The following TMTC3 variants were observed in gnomAD, a reference collection of about 807,000 sequenced individuals.
TMTC3 encodes the protein transmembrane O-mannosyltransferase targeting cadherins 3.
A neutral mutation model predicts 92.2 loss-of-function variants in TMTC3; 52 were observed. That is an observed-to-expected ratio of 0.56 (90% CI 0.45 to 0.71). TMTC3 has a LOEUF of 0.71. TMTC3 is among the 30% of genes least tolerant of loss of function. The probability of loss-of-function intolerance (pLI) is 0.00; values close to 1 mark genes in which losing one functional copy is unlikely to be tolerated. For synonymous variants in TMTC3, 339 were observed against 363.3 expected, an observed-to-expected ratio of 0.93 and a Z score of 0.76; for missense variants, 896 against 1,057.1, an observed-to-expected ratio of 0.85 and a Z score of 2.11.
intron 4 of TMTC3, among the ~76,000 whole-genome samples, chr12:88,159,052 CAAAAAAAAAAAAAG>C (rs1439702516): frequency 5.2e-5 from 3 of 57,680 alleles, no homozygotes; most frequent in South Asian, 5.3e-4. Context: ...AACTCTGTCT[CAAAAAAAAAAAAAG>C]GAAAAAAAAA....
chr12:88,172,785 A>T lies in TMTC3; in HGVS notation c.1199+40A>T, dbSNP rs968813417. The T allele has an allele frequency of 3.2e-6, 5 of 1,567,776 alleles. No homozygotes were observed. In the African/African-American group the frequency reaches 6.9e-5, roughly 22 times the overall value. ...CAGTTCATGTAATGCTTACTATGGA[A>T]TTAAGTGTGACACATTTTAAAATTT... On this transcript the variant is annotated intron_variant, in intron 8 of 13. Coordinates refer to ENST00000266712, the MANE Select transcript of TMTC3 (RefSeq NM_181783.4).
chr12:88,183,438 A>C (rs2041341036), intron 10 of TMTC3, among the ~76,000 whole-genome samples: 1 of 152,144 alleles, frequency 6.6e-6, no homozygotes, highest in Admixed American at 6.5e-5. Context: ...GCTACCTAAG[A>C]CAGGGTCCCA....
intron 10 of TMTC3, among the ~76,000 whole-genome samples, chr12:88,187,376 T>A (rs761724970): frequency 5.3e-5 from 8 of 152,176 alleles, no homozygotes; most frequent in Non-Finnish European, 1.2e-4. Context: ...CCTTTGACAC[T>A]TTTTATGAAC....
chr12:88,183,996 A>G (rs890556914), intron 10 of TMTC3, among the ~76,000 whole-genome samples: 2 of 152,106 alleles, frequency 1.3e-5, no homozygotes, highest in African/African-American at 2.4e-5. Flanking sequence ...TGAGGGTTCC[A>G]TCGCAATCCA....
intron 2 of TMTC3, among the ~76,000 whole-genome samples, chr12:88,150,171 C>G (rs1053478925): frequency 1.3e-5 from 2 of 152,126 alleles, no homozygotes; most frequent in Non-Finnish European, 1.5e-5. Context: ...GGGGAGGCCT[C>G]AAGAAGCTTG....
intron 10 of TMTC3, among the ~76,000 whole-genome samples, chr12:88,177,276 A>G (rs1303889302): frequency 6.6e-6 from 1 of 151,160 alleles, no homozygotes; most frequent in Non-Finnish European, 1.5e-5. Flanking sequence ...CAGTGAGCCA[A>G]GATCGCACCA....
chr12:88,186,427 G>A (rs924602789), intron 10 of TMTC3, among the ~76,000 whole-genome samples: 3 of 152,114 alleles, frequency 2.0e-5, no homozygotes, highest in Non-Finnish European at 2.9e-5. Context: ...GATAAGAAAT[G>A]AAAGAGACTC....
chr12:88,171,609 A>G (rs1235599469), intron 7 of TMTC3, among the ~76,000 whole-genome samples: 1 of 152,072 alleles, frequency 6.6e-6, no homozygotes, highest in African/African-American at 2.4e-5. Flanking sequence ...CTGTTGATGG[A>G]TACTTAGGTT....
chr12:88,180,252 A>T (rs1378477923), intron 10 of TMTC3, among the ~76,000 whole-genome samples: 1 of 152,188 alleles, frequency 6.6e-6, no homozygotes, highest in Non-Finnish European at 1.5e-5. Context: ...TTTCCAATTA[A>T]GGAGTGACAT....
chr12:88,192,225 A>G (rs1424513721), intron 12 of TMTC3, among the ~76,000 whole-genome samples: 1 of 151,998 alleles, frequency 6.6e-6, no homozygotes, highest in East Asian at 1.9e-4. Context: ...GTCACCTGAC[A>G]AATTCATTAA....
intron 6 of TMTC3, among the ~76,000 whole-genome samples, chr12:88,163,053 C>T (rs1056482545): frequency 6.6e-6 from 1 of 151,946 alleles, no homozygotes; most frequent in Non-Finnish European, 1.5e-5. Flanking sequence ...GTAGCTGAGA[C>T]TACAGGCATG....
chr12:88,167,079 TTA>T (rs956769491), intron 7 of TMTC3, among the ~76,000 whole-genome samples: 6 of 151,470 alleles, frequency 4.0e-5, no homozygotes, highest in East Asian at 1.9e-4. Flanking sequence ...CTCATAAGAG[TTA>T]TGTTTTCTCT....
chr12:88,155,224 G>A (rs1198641048), intron 4 of TMTC3, among the ~76,000 whole-genome samples: 2 of 152,150 alleles, frequency 1.3e-5, no homozygotes, highest in Non-Finnish European at 2.9e-5. Context: ...TAGCTCCACT[G>A]TTTATTTACT....
At chr12:88,150,654 TCC>T (rs2040931857) in intron 2 of TMTC3, among the ~76,000 whole-genome samples, 1 of 152,158 alleles carries the variant, frequency 6.6e-6, no homozygotes, top group African/African-American at 2.4e-5. Context: ...GCATATTCTC[TCC>T]CTGAAGGCAA....
chr12:88,173,801 TC>T (rs1424812292), intron 8 of TMTC3, among the ~76,000 whole-genome samples: 5 of 152,112 alleles, frequency 3.3e-5, no homozygotes, highest in African/African-American at 1.2e-4. Flanking sequence ...TCTTGACACT[TC>T]TTAAGTCTGC....
intron 7 of TMTC3, among the ~76,000 whole-genome samples, chr12:88,169,937 GAAAA>G (rs11305978): frequency 7.0e-6 from 1 of 142,476 alleles, no homozygotes. Context: ...GACCCTGTCA[GAAAA>G]AAAAAAAAAG....
intron 3 of TMTC3, among the ~76,000 whole-genome samples, chr12:88,153,814 A>G (rs950220101): frequency 6.6e-6 from 1 of 152,056 alleles, no homozygotes; most frequent in Non-Finnish European, 1.5e-5. Flanking sequence ...TTAATGAACA[A>G]GATTTCTAAG....
intron 6 of TMTC3, 60 bp downstream of exon 6, chr12:88,160,911 T>C (rs1388951579): frequency 2.1e-6 from 3 of 1,458,532 alleles, no homozygotes; most frequent in Non-Finnish European, 2.8e-6. Context: ...ATTTTAATGA[T>C]CATAAATGTT....
intron 9 of TMTC3, 56 bp downstream of exon 9, chr12:88,174,783 A>G (rs919401198): frequency 1.9e-5 from 31 of 1,600,582 alleles, no homozygotes; most frequent in Admixed American, 8.7e-5. Context: ...TCTTGGAACA[A>G]TTTCTAAGCT....
Sources: allele counts gnomAD v4.1 joint callset (sites outside exome capture counted in the v4.1 genomes callset), GRCh38; gene constraint gnomAD v4.1.1; transcripts MANE v1.5; gene names NCBI Gene and HGNC (gene_info 2026-07-23, HGNC 2026-07-21).